Variants in CAPRIN2 observed in about 807,000 individuals in gnomAD.
CAPRIN2 encodes caprin family member 2.
CAPRIN2 carries 66 observed loss-of-function variants against 130.4 expected under a neutral mutation model. That is an observed-to-expected ratio of 0.51 (90% CI 0.42 to 0.62). The LOEUF (loss-of-function observed/expected upper bound fraction) is 0.62. Ranked by LOEUF, CAPRIN2 falls within the 20% of genes least tolerant of loss-of-function variation. The pLI is 0.00. For synonymous variants in CAPRIN2, 471 were observed against 444.1 expected (o/e 1.06, Z -0.76); for missense variants, 1,185 against 1,246.6 (o/e 0.95, Z 0.74).
intron 13 of CAPRIN2, chr12:30,715,765 G>A: frequency 5.2e-6 from 1 of 194,110 alleles, no homozygotes; most frequent in South Asian, 8.2e-5. Flanking sequence ...ATCTGAGAAG[G>A]CACCTGACAA....
intron 14 of CAPRIN2, among the ~76,000 whole-genome samples, chr12:30,714,565 T>C (rs1277039047): frequency 1.4e-5 from 2 of 147,888 alleles, no homozygotes; most frequent in Non-Finnish European, 3.0e-5. Context: ...ATCACTATTA[T>C]AGTCTCAAAT....
chr12:30,734,938 C>T (rs1317174277), intron 4 of CAPRIN2, 30 bp downstream of exon 5: 48 of 1,484,292 alleles, frequency 3.2e-5, no homozygotes, highest in Non-Finnish European at 4.5e-5. Flanking sequence ...TCAAGTGTTT[C>T]ATTTCAGGAA....
chr12:30,723,048 A>G (rs1336110168), intron 11 of CAPRIN2, among the ~76,000 whole-genome samples: 1 of 152,196 alleles, frequency 6.6e-6, no homozygotes, highest in Non-Finnish European at 1.5e-5. Context: ...TCTCCTTACT[A>G]AAGTCAGCAA....
At chr12:30,748,076 A>G (rs975121585) in intron 2 of CAPRIN2, among the ~76,000 whole-genome samples, 2 of 152,224 alleles carry the variant, frequency 1.3e-5, no homozygotes, top group African/African-American at 4.8e-5. Flanking sequence ...GATAGACTCT[A>G]CTGGTAAAGA....
exon 10 of CAPRIN2, chr12:30,724,377 G>T: frequency 6.2e-7 from 1 of 1,608,254 alleles, no homozygotes; most frequent in Non-Finnish European, 8.5e-7. Flanking sequence ...TACCTACGGG[G>T]CTACCTGGAG....
At chr12:30,751,941 CAG>C (rs2074148615) in intron 1 of CAPRIN2, among the ~76,000 whole-genome samples, 2 of 100,760 alleles carry the variant, frequency 2.0e-5, no homozygotes, top group African/African-American at 7.8e-5. Flanking sequence ...TTTTTTGAGA[CAG>C]AATTTCACTC....
In CAPRIN2 at chr12:30,753,597, G is replaced by C; in HGVS notation, c.167C>G (p.Ser56Ter). Residue 56 changes from serine to a stop codon, truncating the protein, a stop_gained, in exon 1 of 17, where the codon TCA becomes TGA. Transcript: ENST00000298892. LOFTEE classifies it high-confidence loss of function. ...AGGGGATGAAAAGAGTTGCACCATT[G>C]AAACAGATGAGGCTGAAGGAGGTGG... The C allele has an allele frequency of 6.2e-7, 1 of 1,614,170 alleles. No individual in the cohort carries two copies. Among genetic ancestry groups the C allele is most frequent in the Non-Finnish European group, 8.5e-7 (1 of 1,180,046 alleles).
At chr12:30,717,694 T>C (rs1243535486) in intron 12 of CAPRIN2, among the ~76,000 whole-genome samples, 1 of 152,134 alleles carries the variant, frequency 6.6e-6, no homozygotes, top group East Asian at 1.9e-4. Flanking sequence ...ATAATAATGC[T>C]GAGAATAAAA....
exon 4 of CAPRIN2, chr12:30,735,157 A>G: frequency 6.2e-7 from 1 of 1,614,126 alleles, no homozygotes; most frequent in Non-Finnish European, 8.5e-7. Flanking sequence ...CTCAGCCTCA[A>G]GTTTTAGCAT....
intron 2 of CAPRIN2, among the ~76,000 whole-genome samples, chr12:30,744,636 C>G (rs113597399): frequency 1.3e-5 from 2 of 152,248 alleles, no homozygotes; most frequent in African/African-American, 4.8e-5. Flanking sequence ...CTGGCCTTAA[C>G]TCTCTAGACT....
At chr12:30,719,204 G>A in intron 12 of CAPRIN2, 2 of 1,614,014 alleles carry the variant, frequency 1.2e-6, no homozygotes, top group Non-Finnish European at 1.7e-6. Context: ...GAAGACGGTT[G>A]CTTGCCTGGG....
At chr12:30,734,141 AC>A (rs2063647493) in intron 4 of CAPRIN2, among the ~76,000 whole-genome samples, 1 of 152,202 alleles carries the variant, frequency 6.6e-6, no homozygotes, top group Admixed American at 6.5e-5. Context: ...CATTCCCTGA[AC>A]CCACAAAAGT....
In CAPRIN2 at chr12:30,715,156, C is replaced by T. The variant is rs757926319; in HGVS notation, c.2318-15G>A. The T allele has an allele frequency of 2.0e-5, 33 of 1,611,122 alleles. No homozygotes were observed. Among genetic ancestry groups the T allele is most frequent in the Middle Eastern group, 1.6e-4 (1 of 6,072 alleles). ...ATGATAATTTGCTGCTTAAGAAAAA[C>T]GATTTTAGGGTCCAAGAGTTAAATG... On this transcript the variant is annotated splice_polypyrimidine_tract_variant and intron_variant, in intron 13 of 16. Coordinates refer to ENST00000298892, the Ensembl canonical transcript of CAPRIN2.
intron 15 of CAPRIN2, among the ~76,000 whole-genome samples, 173 bp downstream of exon 17, chr12:30,713,612 T>C (rs2056197866): frequency 1.3e-5 from 2 of 152,228 alleles, no homozygotes; most frequent in Non-Finnish European, 2.9e-5. Context: ...TTTATCTTTC[T>C]TGGGTAATTG....
At chr12:30,744,371 C>T (rs1038780119) in intron 2 of CAPRIN2, among the ~76,000 whole-genome samples, 2 of 152,152 alleles carry the variant, frequency 1.3e-5, no homozygotes, top group African/African-American at 4.8e-5. Flanking sequence ...ATTTCTGATG[C>T]CTTTGGGAAA....
At chr12:30,716,977 T>C (rs935611235) in intron 12 of CAPRIN2, among the ~76,000 whole-genome samples, 6 of 152,222 alleles carry the variant, frequency 3.9e-5, no homozygotes, top group Admixed American at 6.5e-5. Context: ...GGAACCCTCA[T>C]GCATTGCCGG....
chr12:30,749,093 G>A (rs1417355379), intron 2 of CAPRIN2, among the ~76,000 whole-genome samples: 1 of 152,118 alleles, frequency 6.6e-6, no homozygotes, highest in African/African-American at 2.4e-5. Context: ...GAAGGAGGTT[G>A]GGAATTGAGC....
At chr12:30,734,880 A>C in intron 4 of CAPRIN2, 88 bp downstream of exon 5, 1 of 732,270 alleles carries the variant, frequency 1.4e-6, no homozygotes, top group Non-Finnish European at 2.4e-6. Flanking sequence ...ACACACACAC[A>C]CACACACTCT....
chr12:30,720,954 T>C, intron 11 of CAPRIN2, 39 bp from the exon 13 acceptor site: 2 of 1,391,360 alleles, frequency 1.4e-6, no homozygotes, highest in Non-Finnish European at 2.0e-6. Flanking sequence ...AAAAGGCACA[T>C]TTTGTTCACT....
Sources: allele counts gnomAD v4.1 joint callset (sites outside exome capture counted in the v4.1 genomes callset), GRCh38; gene constraint gnomAD v4.1.1; transcripts MANE v1.5; gene names NCBI Gene and HGNC (gene_info 2026-07-23, HGNC 2026-07-21).